PLA2G4A: variants seen among roughly 807,000 people sequenced by gnomAD.
PLA2G4A encodes cytosolic phospholipase A2.
In PLA2G4A, 40 loss-of-function variants were observed where a neutral mutation model predicts 81.9. That is an observed-to-expected ratio of 0.49 (90% confidence interval 0.38 to 0.64). PLA2G4A has a LOEUF of 0.64. Ranked by LOEUF, PLA2G4A falls within the 30% of genes least tolerant of loss-of-function variation. The pLI, the probability that PLA2G4A is intolerant of heterozygous loss-of-function variation, is 0.00. For synonymous variants in PLA2G4A, 302 were observed against 296.9 expected, an observed-to-expected ratio of 1.02 and a Z score of -0.18; for missense variants, 715 against 905.1, an observed-to-expected ratio of 0.79 and a Z score of 2.69.
chr1:186,868,884 A>T (rs1571349333), intron 2 of PLA2G4A, among the ~76,000 whole-genome samples: 1 of 147,604 alleles, frequency 6.8e-6, no homozygotes, highest in Non-Finnish European at 1.5e-5. Context: ...GTCCCTTATC[A>T]TTTCTGATAT....
chr1:186,919,679 C>T (rs1432000827), intron 7 of PLA2G4A, among the ~76,000 whole-genome samples: 6 of 152,188 alleles, frequency 3.9e-5, no homozygotes, highest in Non-Finnish European at 8.8e-5. Flanking sequence ...GAAAGGCAAA[C>T]AGCTTCTGGC....
intron 15 of PLA2G4A, among the ~76,000 whole-genome samples, chr1:186,975,321 G>T (rs1657492376): frequency 6.6e-6 from 1 of 152,298 alleles, no homozygotes; most frequent in Admixed American, 6.5e-5. Context: ...TGAAGCAAAT[G>T]CTTTCATATA....
In PLA2G4A at chr1:186,934,517, T is replaced by C. The variant is rs1329907356; in HGVS notation, c.695+1618T>C. 3.4e-5 allele frequency among the ~76,000 whole-genome samples: 5 copies of C among 144,932 alleles called. No individual in the cohort carries two copies. The South Asian group carries it at 6.6e-4, about 19-fold the overall frequency. On this transcript the variant is annotated intron_variant, in intron 8 of 17. Transcript: ENST00000367466. The stretch of plus-strand genomic sequence containing the variant: ...TTTTAAATGTGCACATATATATATA[T>C]ACAGAGAGATTAATTAAAAGGATTT...
At chr1:186,906,438 T>C (rs2102143770) in intron 5 of PLA2G4A, among the ~76,000 whole-genome samples, 1 of 152,322 alleles carries the variant, frequency 6.6e-6, no homozygotes, top group Admixed American at 6.5e-5. Context: ...CCGAGTCAAC[T>C]ACAGTTGGCT....
At chr1:186,940,147 C>T in intron 10 of PLA2G4A, 53 bp downstream of exon 10, 1 of 977,830 alleles carries the variant, frequency 1.0e-6, no homozygotes, top group Non-Finnish European at 1.7e-6. Flanking sequence ...ATTGCAGTTT[C>T]CCATGGTTTT....
At chr1:186,837,959 G>A (rs1305686319) in intron 1 of PLA2G4A, among the ~76,000 whole-genome samples, 2 of 151,962 alleles carry the variant, frequency 1.3e-5, no homozygotes, top group Admixed American at 6.6e-5. Flanking sequence ...AGGGAAATAC[G>A]CAGATTTGAT....
At chr1:186,891,843 G>C (rs186657397) in intron 3 of PLA2G4A, among the ~76,000 whole-genome samples, 68 of 152,146 alleles carry the variant, frequency 4.5e-4, no homozygotes, top group Admixed American at 1.4e-3. Context: ...TCATATGGTA[G>C]CTCTATTTTT....
chr1:186,906,714 C>T (rs1654750508), intron 5 of PLA2G4A, among the ~76,000 whole-genome samples: 1 of 152,080 alleles, frequency 6.6e-6, no homozygotes, highest in South Asian at 2.1e-4. Context: ...GGAAAACAAC[C>T]AGGCAGAGAT....
rs1449738265 is a variant in PLA2G4A, at chr1:186,857,373, G to A, written c.33+2986G>A. Among the ~76,000 whole-genome samples the A allele has an allele frequency of 3.9e-4, 46 of 118,108 alleles. No homozygotes were observed. In the East Asian group the frequency reaches 9.3e-3, roughly 24 times the overall value. The allele number at this position is 118,108 out of a possible 152,430, so 77.5% of individuals were successfully genotyped here. A position where few individuals can be genotyped will look rare whatever the true frequency, so the allele number is the denominator to read the frequency against. ...TATAAATATAATATTATATTCATAT[G>A]TATTATATAAATGTAATATAATATA... On this transcript the variant is annotated intron_variant, in intron 2 of 17. Transcript: ENST00000367466.
chr1:186,959,537 T>C (rs1039712206), intron 14 of PLA2G4A, among the ~76,000 whole-genome samples: 1 of 152,196 alleles, frequency 6.6e-6, no homozygotes, highest in African/African-American at 2.4e-5. Flanking sequence ...TATGGGGTAT[T>C]GATTTCATTA....
At chr1:186,849,940 TG>T (rs1427833314) in intron 1 of PLA2G4A, among the ~76,000 whole-genome samples, 9 of 152,106 alleles carry the variant, frequency 5.9e-5, no homozygotes, top group African/African-American at 2.2e-4. Context: ...CAGCCCTGAG[TG>T]GGAAAGAGCT....
At chr1:186,881,875 T>C (rs761947428) in intron 3 of PLA2G4A, among the ~76,000 whole-genome samples, 4 of 152,024 alleles carry the variant, frequency 2.6e-5, no homozygotes, top group Non-Finnish European at 5.9e-5. Flanking sequence ...CTTTTAGTAA[T>C]GTGTATCATG....
intron 1 of PLA2G4A, among the ~76,000 whole-genome samples, chr1:186,832,531 T>C (rs182941611): frequency 7.4e-4 from 112 of 152,292 alleles, no homozygotes; most frequent in Admixed American, 4.0e-3. Context: ...GAGTTTTCTA[T>C]GTCAATACTG....
At chr1:186,953,316 A>G in intron 13 of PLA2G4A, among the ~76,000 whole-genome samples, 1 of 152,186 alleles carries the variant, frequency 6.6e-6, no homozygotes, top group South Asian at 2.1e-4. Flanking sequence ...CTCAAATGAC[A>G]TTTAACTTGA....
In PLA2G4A at chr1:186,854,409, A is replaced by G. The variant is rs182035001; in HGVS notation, c.33+22A>G. ...TATAGTAAGTCATTCACTGTTTATG[A>G]ATTCTTTCTTGGAGGGGGTCTGATA... On this transcript the variant is annotated intron_variant, in intron 2 of 17. Coordinates refer to ENST00000367466, the MANE Select transcript of PLA2G4A (RefSeq NM_024420.3). 79 of 1,492,454 alleles carry G rather than the reference A, an allele frequency of 5.3e-5. No individual in the cohort carries two copies. In the East Asian group the frequency reaches 1.8e-3, roughly 33 times the overall value. The allele number at this position is 1,492,454 out of a possible 1,614,324, so 92.5% of individuals were successfully genotyped here.
intron 2 of PLA2G4A, among the ~76,000 whole-genome samples, chr1:186,868,250 G>T (rs1285484981): frequency 6.6e-6 from 1 of 151,480 alleles, no homozygotes; most frequent in Non-Finnish European, 1.5e-5. Flanking sequence ...AATTTTTTTT[G>T]TATTTTTAGT....
intron 3 of PLA2G4A, among the ~76,000 whole-genome samples, chr1:186,885,711 A>G (rs1381019825): frequency 6.6e-6 from 1 of 152,164 alleles, no homozygotes; most frequent in African/African-American, 2.4e-5. Flanking sequence ...AGGAAACCAG[A>G]TATATACAAA....
intron 7 of PLA2G4A, among the ~76,000 whole-genome samples, chr1:186,917,162 A>G (rs1655169504): frequency 6.6e-6 from 1 of 152,164 alleles, no homozygotes; most frequent in Non-Finnish European, 1.5e-5. Context: ...CAAAGGGGCT[A>G]CATTCCAGTC....
In PLA2G4A at chr1:186,894,102, C is replaced by T. The variant is rs753146539; in HGVS notation, c.269C>T (p.Thr90Met). Residue 90 changes from threonine to methionine, a missense_variant, in exon 5 of 18, where the codon ACG becomes ATG. Transcript: ENST00000367466. ...DPNQENVLEITLMDANYVMDE... is the reference protein window; with the variant it reads ...DPNQENVLEIMLMDANYVMDE... ...GCTTTACATTTTACTCTGTAGATTA[C>T]GTTAATGGATGCCAATTATGTCATG... The T allele has an allele frequency of 9.6e-6, 12 of 1,244,030 alleles. No individual in the cohort carries two copies. Among genetic ancestry groups the T allele is most frequent in the South Asian group, 3.6e-5 (3 of 83,746 alleles). The allele number at this position is 1,244,030 out of a possible 1,614,324, so 77.1% of individuals were successfully genotyped here.
Sources: gnomAD v4.1 joint callset for allele counts (sites outside exome capture counted in the v4.1 genomes callset) on GRCh38, gnomAD v4.1.1 for gene constraint, MANE v1.5 for transcripts, NCBI Gene and HGNC (gene_info 2026-07-23, HGNC 2026-07-21) for gene names.